SEMA3E: variants seen among roughly 807,000 people sequenced by gnomAD.
The protein encoded by SEMA3E is semaphorin-3E.
Under a neutral mutation model 93.6 loss-of-function variants are expected in SEMA3E, and 49 were observed. That is an observed-to-expected ratio of 0.52 (90% confidence interval 0.42 to 0.66). SEMA3E has a LOEUF of 0.66. Ranked by LOEUF, SEMA3E falls within the 30% of genes least tolerant of loss-of-function variation. The probability of loss-of-function intolerance (pLI) is 0.00; values close to 1 mark genes in which losing one functional copy is unlikely to be tolerated. For missense variants in SEMA3E, 906 were observed against 964.8 expected, an observed-to-expected ratio of 0.94 and a Z score of 0.81; for synonymous variants, 363 against 330.7, an observed-to-expected ratio of 1.10 and a Z score of -1.06.
chr7:83,401,802 G>A (rs1355899583), intron 10 of SEMA3E, among the ~76,000 whole-genome samples: 2 of 152,030 alleles, frequency 1.3e-5, no homozygotes, highest in Non-Finnish European at 2.9e-5. Context: ...CCAGCTGCTT[G>A]TAAAAGTATA....
chr7:83,562,885 C>T (rs1180111140), intron 1 of SEMA3E, among the ~76,000 whole-genome samples: 1 of 152,102 alleles, frequency 6.6e-6, no homozygotes, highest in Non-Finnish European at 1.5e-5. Context: ...CAAAATAAAG[C>T]TACCTTCAGT....
chr7:83,530,554 C>A (rs894246467), intron 1 of SEMA3E, among the ~76,000 whole-genome samples: 1 of 152,078 alleles, frequency 6.6e-6, no homozygotes, highest in African/African-American at 2.4e-5. Context: ...CTACGTGAAA[C>A]AATTTCCAAT....
At chr7:83,495,853 A>G (rs541102460) in intron 1 of SEMA3E, among the ~76,000 whole-genome samples, 43 of 152,134 alleles carry the variant, frequency 2.8e-4, no homozygotes, top group African/African-American at 9.6e-4. Flanking sequence ...TCTATATTAC[A>G]CAAATTTTCT....
chr7:83,585,901 G>T (rs1792616694), intron 1 of SEMA3E, among the ~76,000 whole-genome samples: 1 of 152,110 alleles, frequency 6.6e-6, no homozygotes, highest in Admixed American at 6.6e-5. Context: ...AGTGGGACCT[G>T]CCTTGCTACC....
At chr7:83,391,831 C>G (rs1788024846) in intron 14 of SEMA3E, among the ~76,000 whole-genome samples, 1 of 152,042 alleles carries the variant, frequency 6.6e-6, no homozygotes, top group Non-Finnish European at 1.5e-5. Flanking sequence ...AGAAAATTGT[C>G]TATACTTCTA....
At chr7:83,373,277 T>C (rs1794774919) in intron 16 of SEMA3E, among the ~76,000 whole-genome samples, 1 of 152,178 alleles carries the variant, frequency 6.6e-6, no homozygotes. Context: ...AGGCCTTGAA[T>C]TGATTTAGTT....
At chr7:83,575,865 G>T (rs928306788) in intron 1 of SEMA3E, among the ~76,000 whole-genome samples, 1 of 151,316 alleles carries the variant, frequency 6.6e-6, no homozygotes, top group Non-Finnish European at 1.5e-5. Context: ...GAGTATAATT[G>T]CATCAAACCT....
intron 1 of SEMA3E, among the ~76,000 whole-genome samples, chr7:83,538,379 T>C (rs1265844589): frequency 6.6e-6 from 1 of 152,170 alleles, no homozygotes; most frequent in Non-Finnish European, 1.5e-5. Context: ...CTAATGATTA[T>C]AGCAGGCATG....
chr7:83,618,521 A>G (rs561417651), intron 1 of SEMA3E, among the ~76,000 whole-genome samples: 14 of 152,164 alleles, frequency 9.2e-5, no homozygotes, highest in African/African-American at 3.4e-4. Context: ...TGGCTTTATC[A>G]ATAAAACAGG....
rs148978729 is a variant in SEMA3E at position 83,431,831 on chromosome 7, A to G, written c.457-13348T>C. Among the ~76,000 whole-genome samples the G allele has an allele frequency of 5.0e-3, 759 of 152,324 alleles. 7 individuals are homozygous for G. The highest frequency in any genetic ancestry group is 0.017 in the African/African-American group (713 of 41,562). ...CGAGAACATGTTCTAGCTCAATAAC[A>G]TATAAGAAATTAATGTGGCTGATTG... On this transcript the variant is annotated intron_variant, in intron 4 of 16. Coordinates refer to ENST00000643230, the MANE Select transcript of SEMA3E (RefSeq NM_012431.3).
intron 3 of SEMA3E, among the ~76,000 whole-genome samples, chr7:83,466,825 A>T (rs1789770869): frequency 6.6e-6 from 1 of 152,140 alleles, no homozygotes; most frequent in Non-Finnish European, 1.5e-5. Flanking sequence ...TACATTTTAT[A>T]ATGAGACTGC....
At chr7:83,561,215 A>G (rs540193537) in intron 1 of SEMA3E, among the ~76,000 whole-genome samples, 3 of 152,074 alleles carry the variant, frequency 2.0e-5, no homozygotes, top group Non-Finnish European at 1.5e-5. Flanking sequence ...TTCAACATGA[A>G]GGATATGAAA....
chr7:83,384,877 T>C (rs1787848153), intron 16 of SEMA3E, among the ~76,000 whole-genome samples: 1 of 152,072 alleles, frequency 6.6e-6, no homozygotes, highest in Non-Finnish European at 1.5e-5. Context: ...TTTAATTCTG[T>C]TATTATTCAT....
chr7:83,451,285 G>A (rs560769817), intron 4 of SEMA3E, among the ~76,000 whole-genome samples: 2 of 152,104 alleles, frequency 1.3e-5, no homozygotes, highest in Non-Finnish European at 2.9e-5. Flanking sequence ...GACTAATACA[G>A]GGGGACTTGC....
At position 83,396,736 on chromosome 7, in the gene SEMA3E, G is replaced by GAAAAC. The variant is rs1464565533; in HGVS notation, c.1367-12_1367-8dup. On this transcript the variant is annotated splice_region_variant and splice_polypyrimidine_tract_variant and intron_variant, in intron 11 of 16. Transcript: ENST00000643230. The stretch of plus-strand genomic sequence containing the variant: ...TTCAGCACAATTCCATTATCTGTAA[G>GAAAAC]AAAACAAAACAAGAAATAAACTAGA... 9 of 1,568,496 alleles carry GAAAAC rather than the reference G, an allele frequency of 5.7e-6. No individual in the cohort carries two copies. The highest frequency in any genetic ancestry group is 7.9e-6 in the Non-Finnish European group (9 of 1,142,630).
intron 4 of SEMA3E, among the ~76,000 whole-genome samples, chr7:83,429,860 T>C (rs544547131): frequency 3.9e-5 from 6 of 152,048 alleles, no homozygotes; most frequent in African/African-American, 1.4e-4. Flanking sequence ...CTCCTACTTA[T>C]CCAAAAGAAA....
intron 1 of SEMA3E, among the ~76,000 whole-genome samples, chr7:83,506,758 G>A (rs1790713318): frequency 6.6e-6 from 1 of 152,074 alleles, no homozygotes; most frequent in Admixed American, 6.6e-5. Flanking sequence ...TGGCAAATGT[G>A]AACACCTTTC....
chr7:83,617,330 TA>T (rs1394739483), intron 1 of SEMA3E, among the ~76,000 whole-genome samples: 1 of 150,322 alleles, frequency 6.7e-6, no homozygotes, highest in African/African-American at 2.4e-5. Flanking sequence ...GGGGTGAAAC[TA>T]ACCCCACCAA....
At chr7:83,605,523 C>T (rs1192352838) in intron 1 of SEMA3E, among the ~76,000 whole-genome samples, 1 of 151,798 alleles carries the variant, frequency 6.6e-6, no homozygotes, top group East Asian at 1.9e-4. Context: ...CTCCACCTCC[C>T]AGGATCAAGC....
Sources: gnomAD v4.1 joint callset for allele counts (sites outside exome capture counted in the v4.1 genomes callset) on GRCh38, gnomAD v4.1.1 for gene constraint, MANE v1.5 for transcripts, NCBI Gene and HGNC (gene_info 2026-07-23, HGNC 2026-07-21) for gene names.